The following ADRA1A variants were observed in gnomAD, a reference collection of about 807,000 sequenced individuals.
ADRA1A encodes the protein alpha-1A adrenergic receptor.
In ADRA1A, 31 loss-of-function variants were observed where a neutral mutation model predicts 29.6. The ratio of observed to expected loss-of-function variants is 1.05; its 90% CI spans 0.79 to 1.41. The LOEUF (loss-of-function observed/expected upper bound fraction) is 1.41, where lower values mean the gene tolerates loss of function less well. ADRA1A is among the 40% of genes most tolerant of loss of function. The probability of loss-of-function intolerance (pLI) is 0.00; values close to 1 mark genes in which losing one functional copy is unlikely to be tolerated. For missense variants in ADRA1A, 619 were observed against 601.1 expected (o/e 1.03, Z -0.31); for synonymous variants, 311 against 254.3 (o/e 1.22, Z -2.12).
At position 26,775,848 on chromosome 8, in the gene ADRA1A, G is replaced by A. The variant is rs1273879962; in HGVS notation, c.884-5182C>T. Among the ~76,000 whole-genome samples, 1 of 152,134 alleles carries A rather than the reference G, an allele frequency of 6.6e-6. No homozygotes were observed. The highest frequency in any genetic ancestry group is 2.4e-5 in the African/African-American group (1 of 41,404). ...AACACCATCAACATTCTCATTCATG[G>A]AGATTCAGAATCCTCACTTCCACTG... On this transcript the variant is annotated intron_variant, in intron 2 of 2. Transcript: ENST00000380573. This position sits in a 1 kb window ranked among gnomAD's most constrained non-coding sequence, Gnocchi z 4.1.
rs1396130268 is a variant in ADRA1A, at chr8:26,825,120, C to A, written c.883+38967G>T. On this transcript the variant is annotated intron_variant, in intron 2 of 2. Transcript: ENST00000380573. The surrounding 1 kb of genome is among the most constrained non-coding windows in gnomAD (Gnocchi z 5.7). ...CAAGCATGGCATAAAACAATGCCTGCATGCTCCAGAGAGACCCCCAGCCCC... is the reference window on the plus strand; with the variant it reads ...CAAGCATGGCATAAAACAATGCCTGAATGCTCCAGAGAGACCCCCAGCCCC... Among the ~76,000 whole-genome samples the A allele has an allele frequency of 1.3e-5, 2 of 152,182 alleles. No homozygotes were observed. Among genetic ancestry groups the A allele is most frequent in the Admixed American group, 6.5e-5 (1 of 15,278 alleles).
chr8:26,855,566 C>T (rs754467987), intron 2 of ADRA1A, among the ~76,000 whole-genome samples: 3 of 152,008 alleles, frequency 2.0e-5, no homozygotes, highest in Non-Finnish European at 4.4e-5. Context: ...ACATCACACA[C>T]TGGAGCCTGT....
chr8:26,757,193 T>C (rs1805219992), intron 2 of ADRA1A: 1 of 700,710 alleles, frequency 1.4e-6, no homozygotes, highest in Non-Finnish European at 2.6e-6. Context: ...AAGTGACTTT[T>C]TTTCCTCTCT....
At chr8:26,822,406 C>T (rs143214429) in intron 2 of ADRA1A, among the ~76,000 whole-genome samples, 29 of 152,240 alleles carry the variant, frequency 1.9e-4, no homozygotes, top group African/African-American at 6.3e-4. Context: ...TGAAATGTGG[C>T]CAGGATCATT....
rs143832580 is a variant in ADRA1A at position 26,777,522 on chromosome 8, C to T, written c.884-6856G>A. ...CCAACAGAGCAAGCAGATGTGATTT[C>T]GGTGCCTCTTTGGAAGGACTTCGCT... On this transcript the variant is annotated intron_variant, in intron 2 of 2. Transcript: ENST00000380573. 2.2e-3 allele frequency among the ~76,000 whole-genome samples: 331 copies of T among 152,284 alleles called. 1 individual carries two copies. The highest frequency in any genetic ancestry group is 7.6e-3 in the African/African-American group (316 of 41,566).
intron 2 of ADRA1A, among the ~76,000 whole-genome samples, chr8:26,830,771 G>T (rs968589528): frequency 6.6e-6 from 1 of 152,200 alleles, no homozygotes; most frequent in African/African-American, 2.4e-5. Flanking sequence ...TTCTACCAGA[G>T]TGTCAACTAC....
At chr8:26,760,442 C>G (rs1451477762) in intron 2 of ADRA1A, among the ~76,000 whole-genome samples, 3 of 152,202 alleles carry the variant, frequency 2.0e-5, no homozygotes, top group East Asian at 3.9e-4. Flanking sequence ...CAAATCCAAA[C>G]AGTGCAGCTT....
chr8:26,749,484 A>G (rs1294890813), intron 2 of ADRA1A, among the ~76,000 whole-genome samples: 3 of 152,242 alleles, frequency 2.0e-5, no homozygotes, highest in African/African-American at 4.8e-5. Context: ...GTGGTCAAAG[A>G]TGATGCCTGG....
intron 2 of ADRA1A, among the ~76,000 whole-genome samples, chr8:26,786,121 A>G (rs571184886): frequency 9.2e-5 from 14 of 152,326 alleles, no homozygotes; most frequent in African/African-American, 3.4e-4. Context: ...CCCAACGTCC[A>G]TAGCATGGGC....
chr8:26,780,882 T>C (rs1053930667), intron 2 of ADRA1A, among the ~76,000 whole-genome samples: 3 of 152,254 alleles, frequency 2.0e-5, no homozygotes, highest in Admixed American at 6.5e-5. Context: ...GATGATCTGT[T>C]GCTGTCTCCA....
chr8:26,854,848 A>C (rs1319158197), intron 2 of ADRA1A, among the ~76,000 whole-genome samples: 2 of 152,152 alleles, frequency 1.3e-5, no homozygotes, highest in East Asian at 3.9e-4. Flanking sequence ...CCTATGTTGG[A>C]ATCCTGGCCC....
Position 26,866,414 on chromosome 8 carries a change from A to G in ADRA1A, c.-687+522T>C, listed in dbSNP as rs1813910415. 6.6e-6 allele frequency among the ~76,000 whole-genome samples: 1 copy of G among 152,180 alleles called. No individual in the cohort carries two copies. Among genetic ancestry groups the G allele is most frequent in the Non-Finnish European group, 1.5e-5 (1 of 68,030 alleles). On this transcript the variant is annotated intron_variant, in intron 1 of 2. Transcript: ENST00000380573. This position sits in a 1 kb window ranked among gnomAD's most constrained non-coding sequence, Gnocchi z 5.7. ...CGTCCCTCTGCAGAGGGAGCTTTGCAAGTGACAGTCACTGCGGATTTTGCA... is the reference window on the plus strand; with the variant it reads ...CGTCCCTCTGCAGAGGGAGCTTTGCGAGTGACAGTCACTGCGGATTTTGCA...
chr8:26,759,206 A>G (rs1319995133), intron 2 of ADRA1A, among the ~76,000 whole-genome samples: 2 of 152,230 alleles, frequency 1.3e-5, no homozygotes, highest in Admixed American at 1.3e-4. Flanking sequence ...CTGAGGCAGA[A>G]TTTCTGTTGC....
At chr8:26,792,696 A>G (rs1229413566) in intron 2 of ADRA1A, among the ~76,000 whole-genome samples, 1 of 147,662 alleles carries the variant, frequency 6.8e-6, no homozygotes, top group African/African-American at 2.6e-5. Context: ...ACAGGAATAT[A>G]TAGATCAGTG....
chr8:26,781,091 G>T (rs1484847590), intron 2 of ADRA1A, among the ~76,000 whole-genome samples: 1 of 152,200 alleles, frequency 6.6e-6, no homozygotes. Context: ...AAATTTGTCT[G>T]CCATGAAACC....
chr8:26,749,723 C>A (rs1804841297), intron 2 of ADRA1A, among the ~76,000 whole-genome samples: 1 of 152,178 alleles, frequency 6.6e-6, no homozygotes, highest in South Asian at 2.1e-4. Flanking sequence ...GCTTTCACTG[C>A]TATCTTTTGG....
chr8:26,793,358 A>G (rs1310630316), intron 2 of ADRA1A, among the ~76,000 whole-genome samples: 1 of 152,014 alleles, frequency 6.6e-6, no homozygotes, highest in Non-Finnish European at 1.5e-5. Context: ...GCTTCATGCA[A>G]GAAGCCAAAG....
intron 2 of ADRA1A, among the ~76,000 whole-genome samples, chr8:26,788,780 C>G (rs1205842269): frequency 6.6e-6 from 1 of 152,144 alleles, no homozygotes; most frequent in Non-Finnish European, 1.5e-5. Context: ...TACCTGCTAA[C>G]ACCGAATGCG....
At chr8:26,794,974 G>A (rs1808095360) in intron 2 of ADRA1A, among the ~76,000 whole-genome samples, 1 of 152,076 alleles carries the variant, frequency 6.6e-6, no homozygotes, top group African/African-American at 2.4e-5. Context: ...ATAATAATTT[G>A]TTACCTGGAA....
Sources: gnomAD v4.1 joint callset for allele counts (sites outside exome capture counted in the v4.1 genomes callset) on GRCh38, gnomAD v4.1.1 for gene constraint, Gnocchi (gnomAD v3.1) non-coding constraint, MANE v1.5 for transcripts, NCBI Gene and HGNC (gene_info 2026-07-23, HGNC 2026-07-21) for gene names.